FGF12: variants seen among roughly 807,000 people sequenced by gnomAD.
The protein encoded by FGF12 is fibroblast growth factor 12, also known as fibroblast growth factor 12B.
A neutral mutation model predicts 23.6 loss-of-function variants in FGF12; 14 were observed. The observed-to-expected ratio is 0.59, with a 90% CI of 0.39 to 0.93. The LOEUF (loss-of-function observed/expected upper bound fraction) is 0.93, where lower values mean the gene tolerates loss of function less well. Among genes scored for constraint, FGF12 ranks in the 40% least tolerant of loss-of-function variants. The pLI is 0.00. For synonymous variants in FGF12, 62 were observed against 77.3 expected (o/e 0.80, Z 1.04); for missense variants, 175 against 217.8 (o/e 0.80, Z 1.24).
At chr3:192,632,954 C>T (rs1437485653) in intron 2 of FGF12, among the ~76,000 whole-genome samples, 1 of 152,128 alleles carries the variant, frequency 6.6e-6, no homozygotes, top group Non-Finnish European at 1.5e-5. Context: ...GTGTTCTTGG[C>T]TCATCGATGC....
At position 192,408,800 on chromosome 3, in the gene FGF12, G is replaced by C. The variant is rs946073816; in HGVS notation, c.14-48262C>G. The C allele has an allele frequency of 1.0e-6, 1 of 985,918 alleles. No homozygotes were observed. The highest frequency in any genetic ancestry group is 1.7e-5 in the African/African-American group (1 of 57,370). 61.1% of individuals were successfully genotyped at this position (985,918 alleles called of 1,614,324 possible). A position where few individuals can be genotyped will look rare whatever the true frequency, so the allele number is the denominator to read the frequency against. The stretch of plus-strand genomic sequence containing the variant: ...TTAGAAAACAAGCCACCAACCGCAC[G>C]AGAGAAGGAGAGGAAGGCAGCAATT... On this transcript the variant is annotated intron_variant, in intron 2 of 5. Coordinates refer to ENST00000445105, the MANE Select transcript of FGF12 (RefSeq NM_004113.6). This position sits in a 1 kb window ranked among gnomAD's most constrained non-coding sequence, Gnocchi z 7.3.
chr3:192,368,157 G>A (rs1719069802), intron 2 of FGF12, among the ~76,000 whole-genome samples: 1 of 151,996 alleles, frequency 6.6e-6, no homozygotes, highest in South Asian at 2.1e-4. Context: ...ACTTTCATGG[G>A]ATGATTTCCA....
chr3:192,219,881 T>C (rs1400615953), intron 4 of FGF12, among the ~76,000 whole-genome samples: 1 of 152,234 alleles, frequency 6.6e-6, no homozygotes, highest in Non-Finnish European at 1.5e-5. Context: ...TATTTGAAGA[T>C]CCTCTAACTG....
intron 2 of FGF12, among the ~76,000 whole-genome samples, chr3:192,434,634 A>G (rs1484754656): frequency 1.3e-5 from 2 of 152,034 alleles, no homozygotes; most frequent in Non-Finnish European, 2.9e-5. Context: ...GACTTTTTTG[A>G]GTTCTTGTTT....
intron 2 of FGF12, among the ~76,000 whole-genome samples, chr3:192,518,697 G>A (rs566360978): frequency 6.6e-6 from 1 of 152,128 alleles, no homozygotes; most frequent in South Asian, 2.1e-4. Flanking sequence ...TATCTAACAT[G>A]GCATTTTTGT....
intron 4 of FGF12, among the ~76,000 whole-genome samples, chr3:192,240,196 T>C (rs1361352357): frequency 6.6e-6 from 1 of 152,202 alleles, no homozygotes; most frequent in Non-Finnish European, 1.5e-5. Flanking sequence ...ATATGTTTGT[T>C]ATTCAACACC....
chr3:192,706,663 C>T (rs959385352), intron 2 of FGF12, among the ~76,000 whole-genome samples: 5 of 152,132 alleles, frequency 3.3e-5, no homozygotes, highest in Non-Finnish European at 7.3e-5. Context: ...CGCAAGAACC[C>T]CAGATGCAAG....
At chr3:192,207,308 C>A (rs1270192362) in intron 4 of FGF12, among the ~76,000 whole-genome samples, 6 of 152,124 alleles carry the variant, frequency 3.9e-5, no homozygotes, top group African/African-American at 1.2e-4. Flanking sequence ...AACTTAAAGG[C>A]CAGTTGTGGA....
intron 4 of FGF12, among the ~76,000 whole-genome samples, chr3:192,329,771 G>C (rs182097646): frequency 2.6e-5 from 4 of 152,168 alleles, no homozygotes; most frequent in Admixed American, 2.0e-4. Context: ...AATCAAAACT[G>C]GTTAAACAGC....
At chr3:192,662,638 C>G (rs79262711) in intron 2 of FGF12, among the ~76,000 whole-genome samples, 1 of 152,170 alleles carries the variant, frequency 6.6e-6, no homozygotes, top group Non-Finnish European at 1.5e-5. Flanking sequence ...TTCAGTGCCT[C>G]AAGCTGGGGT....
intron 3 of FGF12, among the ~76,000 whole-genome samples, chr3:192,337,920 C>A (rs932372293): frequency 3.3e-5 from 5 of 152,048 alleles, no homozygotes; most frequent in Non-Finnish European, 7.3e-5. Context: ...TATATTTGTG[C>A]AAGATTAATT....
intron 2 of FGF12, among the ~76,000 whole-genome samples, chr3:192,543,297 C>A (rs755658737): frequency 6.6e-6 from 1 of 152,120 alleles, no homozygotes; most frequent in Non-Finnish European, 1.5e-5. Flanking sequence ...TGCCCCAGAC[C>A]CATGGCGAGT....
At chr3:192,485,401 T>G (rs2108822100) in intron 2 of FGF12, among the ~76,000 whole-genome samples, 1 of 152,274 alleles carries the variant, frequency 6.6e-6, no homozygotes, top group African/African-American at 2.4e-5. Flanking sequence ...AGTTAAATAT[T>G]AATGCTTCGA....
Position 192,243,725 on chromosome 3 carries a change from A to G in FGF12, c.229-73069T>C, listed in dbSNP as rs185626228. 3.2e-4 allele frequency among the ~76,000 whole-genome samples: 49 copies of G among 152,166 alleles called. 1 individual carries two copies. The highest frequency in any genetic ancestry group is 2.8e-4 in the Non-Finnish European group (19 of 67,920). On this transcript the variant is annotated intron_variant, in intron 4 of 5. Coordinates refer to ENST00000445105, the MANE Select transcript of FGF12 (RefSeq NM_004113.6). ...AGATTAATAAAATGTTAACATCATT[A>G]TGTTGTTGAGTCTGTCAAACACACG...
chr3:192,366,923 T>C (rs1719011199), intron 2 of FGF12, among the ~76,000 whole-genome samples: 1 of 152,010 alleles, frequency 6.6e-6, no homozygotes, highest in South Asian at 2.1e-4. Flanking sequence ...TACAGGAATA[T>C]GCAGATTAAA....
At chr3:192,212,280 A>G (rs1400881048) in intron 4 of FGF12, among the ~76,000 whole-genome samples, 1 of 152,212 alleles carries the variant, frequency 6.6e-6, no homozygotes. Context: ...GCTAGAAACA[A>G]ATATATTGAT....
At chr3:192,316,830 G>C (rs577347783) in intron 4 of FGF12, among the ~76,000 whole-genome samples, 1 of 152,284 alleles carries the variant, frequency 6.6e-6, no homozygotes, top group African/African-American at 2.4e-5. Flanking sequence ...AGCTACGGGA[G>C]AGACATCTTC....
intron 2 of FGF12, among the ~76,000 whole-genome samples, chr3:192,445,223 CT>C (rs930624519): frequency 2.6e-4 from 39 of 152,170 alleles, no homozygotes; most frequent in African/African-American, 7.7e-4. Flanking sequence ...ATAACCTATA[CT>C]TTTTTGTTGT....
intron 4 of FGF12, among the ~76,000 whole-genome samples, chr3:192,314,287 T>TAA (rs144147712): frequency 3.4e-4 from 47 of 139,596 alleles, no homozygotes; most frequent in African/African-American, 1.1e-3. Context: ...AAATTAAAAT[T>TAA]AAAAAAAAAA....
Sources: allele counts gnomAD v4.1 joint callset (sites outside exome capture counted in the v4.1 genomes callset), GRCh38; gene constraint gnomAD v4.1.1; non-coding constraint Gnocchi (gnomAD v3.1); transcripts MANE v1.5; gene names NCBI Gene and HGNC (gene_info 2026-07-23, HGNC 2026-07-21).